The following UCKL1 variants were observed in gnomAD, a reference collection of about 807,000 sequenced individuals.
UCKL1 encodes the protein uridine-cytidine kinase 1 like 1.
In UCKL1, 65 loss-of-function variants were observed where a neutral mutation model predicts 59.2. That is an observed-to-expected ratio of 1.10 (90% confidence interval 0.90 to 1.35). The LOEUF is 1.35. Ranked by LOEUF, UCKL1 falls within the 40% of genes most tolerant of loss-of-function variation. The probability of loss-of-function intolerance (pLI) is 0.00; values close to 1 mark genes in which losing one functional copy is unlikely to be tolerated. For missense variants in UCKL1, 703 were observed against 784.3 expected, an observed-to-expected ratio of 0.90 and a Z score of 1.24; for synonymous variants, 410 against 323.1, an observed-to-expected ratio of 1.27 and a Z score of -2.88.
At chr20:63,956,198 C>T (rs1341174583) in intron 1 of UCKL1, 62 bp downstream of exon 1, 28 of 1,390,522 alleles carry the variant, frequency 2.0e-5, no homozygotes, top group Non-Finnish European at 2.5e-5. Flanking sequence ...ACCCGCCCAG[C>T]TCGGCCGGAT....
Position 63,940,280 on chromosome 20 carries a change from G to T in UCKL1, c.1437C>A (p.Ile479=). The T allele has an allele frequency of 6.2e-7, 1 of 1,612,698 alleles. No homozygotes were observed. Among genetic ancestry groups the T allele is most frequent in the Non-Finnish European group, 8.5e-7 (1 of 1,179,988 alleles). ...CTGCCATGAGCAGCGACAGCAAAAAGATCTTGTCCTCAGGCACGTCGTGGT... is the reference window on the plus strand; with the variant it reads ...CTGCCATGAGCAGCGACAGCAAAAATATCTTGTCCTCAGGCACGTCGTGGT... The part of the protein sequence containing the change: ...LLDHDVPEDK[I]FLLSLLMAEM... The change falls in exon 14 of 15, where the codon ATC becomes ATA. Residue 479 remains isoleucine, a synonymous_variant. Coordinates refer to ENST00000354216, the MANE Select transcript of UCKL1 (RefSeq NM_017859.4).
intron 1 of UCKL1, 138 bp downstream of exon 1, chr20:63,956,122 G>A (rs1266978418): frequency 1.2e-6 from 1 of 841,048 alleles, no homozygotes; most frequent in South Asian, 2.2e-5. Flanking sequence ...CCGGCACGTG[G>A]GAGAACGGGG....
rs1305114653 is a variant in UCKL1 at position 63,946,721 on chromosome 20, G to T, written c.114-78C>A. On this transcript the variant is annotated intron_variant, in intron 1 of 14. Transcript: ENST00000354216. ...ACCCGCTGGCATGGCCGGCCCACAG[G>T]GCACCCCCCCCACCCCCTCAACAGG... is the stretch of plus-strand genomic sequence containing the variant. 23 of 1,365,902 alleles carry T rather than the reference G, an allele frequency of 1.7e-5. No individual in the cohort carries two copies. In the South Asian group the frequency reaches 2.8e-4, roughly 17 times the overall value. The allele number at this position is 1,365,902 out of a possible 1,614,324, so 84.6% of individuals were successfully genotyped here. A position where few individuals can be genotyped will look rare whatever the true frequency, so the allele number is the denominator to read the frequency against.
intron 1 of UCKL1, chr20:63,953,917 CCACCCCTGGGGT>C (rs776394285): frequency 6.6e-6 from 1 of 152,654 alleles, no homozygotes; most frequent in Non-Finnish European, 1.5e-5. Context: ...GCCTGTTCTA[CCACCCCTGGGGT>C]CACCATCGCC....
intron 12 of UCKL1, 33 bp from the exon 13 acceptor site, chr20:63,940,518 G>T: frequency 6.2e-7 from 1 of 1,604,992 alleles, no homozygotes. Flanking sequence ...TGCAGGTGGG[G>T]CTCCCTGCGT....
chr20:63,941,193 C>T lies in UCKL1; in HGVS notation c.939G>A (p.Ser313=), dbSNP rs376634853. The change falls in exon 9 of 15, where the codon TCG becomes TCA. Residue 313 remains serine (S), a synonymous_variant. Transcript: ENST00000354216. The stretch of plus-strand genomic sequence containing the variant: ...GGGGCAGCGGGTGGCACTGGTGTGC[C>T]GAGGCCAGCGCAGCCCTGGGGACAA... ...RELSVRAALA[S]AHQCHPLPRT... is the part of the protein sequence containing the mutation. 3.7e-4 allele frequency: 565 copies of T among 1,547,094 alleles called. No homozygotes were observed. The highest frequency in any genetic ancestry group is 4.3e-4 in the Non-Finnish European group (494 of 1,153,774).
chr20:63,940,803 C>T lies in UCKL1; in HGVS notation c.1170G>A (p.Ala390=), dbSNP rs751969751. The change falls in exon 11 of 15, where the codon GCG becomes GCA. Residue 390 remains alanine, a synonymous_variant. Transcript: ENST00000354216. The stretch of plus-strand genomic sequence containing the variant: ...GTGCCCAGGCAGGTACCTGCTTCCC[C>T]GCATAGCACTTGCCCGCATAGTCCT... ...QGQDYAGKCY[A]GKQITGVSIL... 1 of 1,584,494 alleles carries T rather than the reference C, an allele frequency of 6.3e-7. No homozygotes were observed. Among genetic ancestry groups the T allele is most frequent in the Non-Finnish European group, 8.6e-7 (1 of 1,166,912 alleles).
Position 63,943,685 on chromosome 20 carries a change from A to G in UCKL1, c.907-16T>C, listed in dbSNP as rs1209481752. On this transcript the variant is annotated splice_polypyrimidine_tract_variant and intron_variant, in intron 7 of 14. Transcript: ENST00000354216. ...TGAGTTCACGCTGTGGCAGCAACAC[A>G]GGAAGACACAAGGGAACGGTGGCGC... is the stretch of plus-strand genomic sequence containing the variant. The G allele has an allele frequency of 6.2e-6, 10 of 1,612,614 alleles. No homozygotes were observed. The highest frequency in any genetic ancestry group is 5.9e-6 in the Non-Finnish European group (7 of 1,179,866).
Position 63,940,715 on chromosome 20 carries a change from A to T in UCKL1, c.1181T>A (p.Ile394Asn). The T allele has an allele frequency of 6.2e-7, 1 of 1,608,068 alleles. No homozygotes were observed. The highest frequency in any genetic ancestry group is 8.5e-7 in the Non-Finnish European group (1 of 1,178,484). Residue 394 changes from isoleucine (I) to asparagine (N), a missense_variant and splice_region_variant, in exon 12 of 15, where the codon ATC becomes AAC. Transcript: ENST00000354216. ...YAGKCYAGKQITGVSILRAGE... is the reference protein window; with the variant it reads ...YAGKCYAGKQNTGVSILRAGE... ...GGCGCGCAGAATGGACACACCGGTG[A>T]TCTGCGGGGAGGGGAGGCTAAGCGC... is the stretch of plus-strand genomic sequence containing the variant.
At position 63,946,585 on chromosome 20, in the gene UCKL1, G is replaced by A. The variant is rs763446376; in HGVS notation, c.172C>T (p.Arg58Trp). Residue 58 changes from arginine (R) to tryptophan (W), a missense_variant, in exon 2 of 15, where the codon CGG becomes TGG. Coordinates refer to ENST00000354216, the MANE Select transcript of UCKL1 (RefSeq NM_017859.4). Reference sequence around the variant, plus strand: ...TTGCACTGGCTGGTGGTCCGCTTCCGGGGAGAGCGCCCAGTGCCCACAGGT... The same window carrying A: ...TTGCACTGGCTGGTGGTCCGCTTCCAGGGAGAGCGCCCAGTGCCCACAGGT... Reference protein sequence around the residue: ...LPPVGTGRSPRKRTTSQCKSE... With the variant: ...LPPVGTGRSPWKRTTSQCKSE... 39 of 1,611,146 alleles carry A rather than the reference G, an allele frequency of 2.4e-5. No homozygotes were observed. Among genetic ancestry groups the A allele is most frequent in the Admixed American group, 6.7e-5 (4 of 59,946 alleles).
chr20:63,943,668 C>T lies in UCKL1; in HGVS notation c.908G>A (p.Arg303His). The stretch of plus-strand genomic sequence containing the variant: ...CAAGTCTTACCTGACGCTGAGTTCA[C>T]GCTGTGGCAGCAACACAGGAAGACA... ...VQHVHSQLEE[R>H]ELSVRAALAS... The change falls in exon 8 of 15, where the codon CGT becomes CAT. Residue 303 changes from arginine (R) to histidine (H), a missense_variant and splice_region_variant. Arg to His is a conservative substitution (Grantham distance 29). Transcript: ENST00000354216. The T allele has an allele frequency of 1.9e-6, 3 of 1,612,654 alleles. No individual in the cohort carries two copies. The highest frequency in any genetic ancestry group is 2.5e-6 in the Non-Finnish European group (3 of 1,179,872).
At chr20:63,943,742 C>CCTGGCCATGT in intron 7 of UCKL1, 73 bp from the exon 8 acceptor site, 1 of 1,606,640 alleles carries the variant, frequency 6.2e-7, no homozygotes, top group East Asian at 2.2e-5. Flanking sequence ...CCAGGCCACC[C>CCTGGCCATGT]CCACCCAGGA....
Position 63,946,473 on chromosome 20 carries a change from G to T in UCKL1, c.284C>A (p.Ser95Tyr). Residue 95 changes from serine (S) to tyrosine (Y), a missense_variant, in exon 2 of 15, where the codon TCC (serine) becomes TAC (tyrosine). Ser to Tyr is a moderately radical substitution (Grantham distance 144). Transcript: ENST00000354216. ...CTCACCGATGGCGAAGGCCTCTTTGGATTGCGTGCCGTGTTCATTGTACCA... is the reference window on the plus strand; with the variant it reads ...CTCACCGATGGCGAAGGCCTCTTTGTATTGCGTGCCGTGTTCATTGTACCA... ...PPWYNEHGTQ[S>Y]KEAFAIGLGG... The T allele has an allele frequency of 6.4e-7, 1 of 1,569,378 alleles. No homozygotes were observed. Among genetic ancestry groups the T allele is most frequent in the Non-Finnish European group, 8.6e-7 (1 of 1,156,972 alleles).
chr20:63,940,064 AGGGGGGGG>A lies in UCKL1; in HGVS notation c.1568-17_1568-10del. 6.6e-7 allele frequency: 1 copy of A among 1,509,306 alleles called. No homozygotes were observed. Among genetic ancestry groups the A allele is most frequent in the Non-Finnish European group, 9.0e-7 (1 of 1,114,198 alleles). 93.5% of individuals were successfully genotyped at this position (1,509,306 alleles called of 1,614,324 possible). A position where few individuals can be genotyped will look rare whatever the true frequency, so the allele number is the denominator to read the frequency against. ...GCGGTCGCCAAAGTTCCCTGGAAAA[AGGGGGGGG>A]GGGGTCCAGTGTGGTGGGGCCTCCC... is the stretch of plus-strand genomic sequence containing the variant. On this transcript the variant is annotated splice_polypyrimidine_tract_variant and intron_variant, in intron 14 of 14. Transcript: ENST00000354216.
intron 1 of UCKL1, among the ~76,000 whole-genome samples, chr20:63,947,204 C>G (rs1186581600): frequency 6.6e-6 from 1 of 152,158 alleles, no homozygotes; most frequent in African/African-American, 2.4e-5. Flanking sequence ...GAACAGCAAA[C>G]AAGGACAAGG....
In UCKL1 at chr20:63,941,166, C is replaced by T. The variant is rs762691652; in HGVS notation, c.966G>A (p.Arg322=). The change falls in exon 9 of 15, where the codon CGG becomes CGA. Residue 322 remains arginine, a synonymous_variant. Coordinates refer to ENST00000354216, the MANE Select transcript of UCKL1 (RefSeq NM_017859.4). ...GCGTGCTCTTCAGGACGCTCAGCGTCCGGGGCAGCGGGTGGCACTGGTGTG... is the reference window on the plus strand; with the variant it reads ...GCGTGCTCTTCAGGACGCTCAGCGTTCGGGGCAGCGGGTGGCACTGGTGTG... ...ASAHQCHPLP[R]TLSVLKSTPQ... 8.2e-6 allele frequency: 13 copies of T among 1,579,386 alleles called. No homozygotes were observed. The highest frequency in any genetic ancestry group is 1.1e-5 in the Non-Finnish European group (13 of 1,168,188).
intron 1 of UCKL1, among the ~76,000 whole-genome samples, chr20:63,950,060 C>G (rs959411402): frequency 1.3e-5 from 2 of 152,244 alleles, no homozygotes; most frequent in African/African-American, 4.8e-5. Context: ...CTGAGGCACA[C>G]GCTGCTGACA....
chr20:63,950,754 C>A, intron 1 of UCKL1: 1 of 1,531,208 alleles, frequency 6.5e-7, no homozygotes, highest in Non-Finnish European at 8.8e-7. Flanking sequence ...CCAGTCGAGA[C>A]TCACCTGCCT....
chr20:63,944,491 G>A lies in UCKL1; in HGVS notation c.845-33C>T, dbSNP rs748244472. The A allele has an allele frequency of 2.0e-5, 32 of 1,581,550 alleles. No homozygotes were observed. In the Admixed American group the frequency reaches 3.1e-4, roughly 15 times the overall value. On this transcript the variant is annotated intron_variant, in intron 6 of 14. Coordinates refer to ENST00000354216, the MANE Select transcript of UCKL1 (RefSeq NM_017859.4). ...GGGATGGGGGGGCGGGTGACCGGGG[G>A]CTGGGCCGTTGGCCTGCCCGACACC...
Sources: gnomAD v4.1 joint callset for allele counts (sites outside exome capture counted in the v4.1 genomes callset) on GRCh38, gnomAD v4.1.1 for gene constraint, MANE v1.5 for transcripts, NCBI Gene and HGNC (gene_info 2026-07-23, HGNC 2026-07-21) for gene names.